The following GADL1 variants were observed in gnomAD, a reference collection of about 807,000 sequenced individuals.
The protein encoded by GADL1 is GAD like acidic amino acid decarboxylase 1.
Under a neutral mutation model 69.5 loss-of-function variants are expected in GADL1, and 71 were observed. The observed-to-expected ratio is 1.02, with a 90% confidence interval of 0.84 to 1.25. The LOEUF (loss-of-function observed/expected upper bound fraction) is 1.25. Among genes scored for constraint, GADL1 ranks in the 50% most tolerant of loss-of-function variants. The pLI, the probability that GADL1 is intolerant of heterozygous loss-of-function variation, is 0.00. For synonymous variants in GADL1, 254 were observed against 214.4 expected (o/e 1.18, Z -1.62); for missense variants, 737 against 631.8 (o/e 1.17, Z -1.79).
chr3:30,830,944 C>T (rs557207004), intron 11 of GADL1, among the ~76,000 whole-genome samples: 1 of 151,938 alleles, frequency 6.6e-6, no homozygotes, highest in East Asian at 1.9e-4. Flanking sequence ...GCTTCTCTCT[C>T]ATCTCCCATA....
At chr3:30,826,174 A>G (rs1211700399) in intron 11 of GADL1, among the ~76,000 whole-genome samples, 1 of 151,854 alleles carries the variant, frequency 6.6e-6, no homozygotes, top group Non-Finnish European at 1.5e-5. Flanking sequence ...GACCCTAATC[A>G]GTTTTGTTTC....
At position 30,808,030 on chromosome 3, in the gene GADL1, G is replaced by A. The variant is rs144622183; in HGVS notation, c.1051-6942C>T. On this transcript the variant is annotated intron_variant, in intron 11 of 14. Transcript: ENST00000282538. The stretch of plus-strand genomic sequence containing the variant: ...CTGGGCAACAGAGAGAGACCCCTTC[G>A]GGGGGGAAATAAAAGTGTTTTTCCC... 7.3e-5 allele frequency among the ~76,000 whole-genome samples: 11 copies of A among 151,504 alleles called. No individual in the cohort carries two copies. In the East Asian group the frequency reaches 2.0e-3, roughly 27 times the overall value.
intron 11 of GADL1, among the ~76,000 whole-genome samples, chr3:30,829,921 G>T (rs1320911197): frequency 6.6e-6 from 1 of 151,758 alleles, no homozygotes; most frequent in Non-Finnish European, 1.5e-5. Context: ...TAAAGGAGAG[G>T]AACAGAGTCT....
chr3:30,751,489 C>G (rs1024082644), intron 14 of GADL1, among the ~76,000 whole-genome samples: 1 of 150,780 alleles, frequency 6.6e-6, no homozygotes, highest in Non-Finnish European at 1.5e-5. Context: ...ACCTGGGTAA[C>G]TAGAACCTGG....
At chr3:30,781,779 A>C (rs1023621554) in intron 13 of GADL1, among the ~76,000 whole-genome samples, 3 of 152,214 alleles carry the variant, frequency 2.0e-5, no homozygotes, top group Non-Finnish European at 2.9e-5. Context: ...GTGTTTTCAA[A>C]ATTTAGTACC....
chr3:30,818,282 C>T (rs1436436669), intron 11 of GADL1, among the ~76,000 whole-genome samples: 1 of 152,080 alleles, frequency 6.6e-6, no homozygotes, highest in African/African-American at 2.4e-5. Flanking sequence ...TTTTACCTGT[C>T]GTGAGAACTT....
rs1051898478 is a variant in GADL1, at chr3:30,727,384, G to T, written c.*858C>A. On this transcript the variant is annotated 3_prime_UTR_variant, in exon 15 of 15. Transcript: ENST00000282538. ...GTCAATTATTGTGCTTTCAATTATT[G>T]TGCTTTGAATTATATATATATATAT... 4.8e-5 allele frequency: 7 copies of T among 145,786 alleles called. No homozygotes were observed. The highest frequency in any genetic ancestry group is 2.1e-4 in the Admixed American group (3 of 14,594). 9.0% of individuals were successfully genotyped at this position (145,786 alleles called of 1,614,324 possible).
intron 1 of GADL1, among the ~76,000 whole-genome samples, chr3:30,878,845 A>T (rs183250760): frequency 2.6e-5 from 4 of 151,922 alleles, no homozygotes; most frequent in African/African-American, 4.8e-5. Context: ...CACATTGCTG[A>T]AAAAAAGGTA....
chr3:30,742,774 TCTAAGCC>T (rs1411843605), intron 14 of GADL1, among the ~76,000 whole-genome samples: 1 of 152,164 alleles, frequency 6.6e-6, no homozygotes, highest in Admixed American at 6.6e-5. Context: ...TGAGATAAAC[TCTAAGCC>T]CTACTATTAG....
chr3:30,878,129 G>T (rs1477691087), intron 1 of GADL1, among the ~76,000 whole-genome samples: 1 of 151,912 alleles, frequency 6.6e-6, no homozygotes, highest in Non-Finnish European at 1.5e-5. Context: ...CCCCCAAGTA[G>T]CTCTGTGGCT....
chr3:30,846,059 A>AC (rs1214903290), intron 6 of GADL1, among the ~76,000 whole-genome samples: 1 of 152,060 alleles, frequency 6.6e-6, no homozygotes. Flanking sequence ...TAGATCAAAA[A>AC]AAAAAAAAAC....
chr3:30,805,619 G>T (rs1036489665), intron 11 of GADL1, among the ~76,000 whole-genome samples: 6 of 151,522 alleles, frequency 4.0e-5, no homozygotes, highest in African/African-American at 1.5e-4. Flanking sequence ...TCCTGACCAA[G>T]ATTAGCCAAG....
Position 30,784,070 on chromosome 3 carries a change from AACTC to A in GADL1, c.1302+2281_1302+2284del, listed in dbSNP as rs575702966. On this transcript the variant is annotated intron_variant, in intron 13 of 14. Coordinates refer to ENST00000282538, the MANE Select transcript of GADL1 (RefSeq NM_207359.3). ...AACCCGAGAAAATATAAAGTGATCA[AACTC>A]AATTCAAATAGGACTGCTGTTTCTC... 8.3e-4 allele frequency among the ~76,000 whole-genome samples: 127 copies of A among 152,314 alleles called. 1 individual carries two copies. The highest frequency in any genetic ancestry group is 1.5e-3 in the Non-Finnish European group (104 of 68,022).
chr3:30,763,067 T>C (rs994408872), intron 14 of GADL1, among the ~76,000 whole-genome samples: 1 of 152,230 alleles, frequency 6.6e-6, no homozygotes, highest in South Asian at 2.1e-4. Flanking sequence ...TATACTGATA[T>C]CATTTTAGGT....
At chr3:30,732,207 G>A (rs1695468979) in intron 14 of GADL1, among the ~76,000 whole-genome samples, 1 of 152,134 alleles carries the variant, frequency 6.6e-6, no homozygotes, top group Admixed American at 6.6e-5. Flanking sequence ...CATGGTCACA[G>A]GGGAAGGAAA....
Position 30,728,174 on chromosome 3 carries a change from C to T in GADL1, c.*68G>A, listed in dbSNP as rs936077735. ...AGAAGGGCTGCAATCTACTGTGTATCTCCAAGATGTTCTGGATCTAAACTC... is the reference window on the plus strand; with the variant it reads ...AGAAGGGCTGCAATCTACTGTGTATTTCCAAGATGTTCTGGATCTAAACTC... On this transcript the variant is annotated 3_prime_UTR_variant, in exon 15 of 15. Transcript: ENST00000282538. 17 of 1,391,162 alleles carry T rather than the reference C, an allele frequency of 1.2e-5. No homozygotes were observed. The highest frequency in any genetic ancestry group is 1.7e-5 in the Non-Finnish European group (17 of 986,206). The allele number at this position is 1,391,162 out of a possible 1,614,324, so 86.2% of individuals were successfully genotyped here.
chr3:30,849,472 T>C (rs1290302129), intron 6 of GADL1, among the ~76,000 whole-genome samples: 3 of 152,142 alleles, frequency 2.0e-5, no homozygotes, highest in African/African-American at 7.2e-5. Flanking sequence ...TATGCGCTTA[T>C]CTACTGTCTG....
chr3:30,826,246 T>G (rs781322298), intron 11 of GADL1, among the ~76,000 whole-genome samples: 2 of 151,976 alleles, frequency 1.3e-5, no homozygotes, highest in African/African-American at 2.4e-5. Context: ...ATTTTTCAAC[T>G]GCTGGTCTTT....
intron 6 of GADL1, among the ~76,000 whole-genome samples, chr3:30,847,493 CTTCTTTAA>C (rs936906160): frequency 9.9e-5 from 15 of 152,266 alleles, no homozygotes; most frequent in Admixed American, 2.0e-4. Context: ...TAAACACAAC[CTTCTTTAA>C]TTCTTTAATG....
Sources: gnomAD v4.1 joint callset for allele counts (sites outside exome capture counted in the v4.1 genomes callset) on GRCh38, gnomAD v4.1.1 for gene constraint, MANE v1.5 for transcripts, NCBI Gene and HGNC (gene_info 2026-07-23, HGNC 2026-07-21) for gene names.